TTC23L: variants seen among roughly 807,000 people sequenced by gnomAD.
The protein encoded by TTC23L is tetratricopeptide repeat domain 23 like.
A neutral mutation model predicts 48.1 loss-of-function variants in TTC23L; 42 were observed. That is an observed-to-expected ratio of 0.87 (90% CI 0.68 to 1.13). The LOEUF (loss-of-function observed/expected upper bound fraction) is 1.13. TTC23L is among the 50% of genes most tolerant of loss of function. The pLI is 0.00. For missense variants in TTC23L, 391 were observed against 421.0 expected, an observed-to-expected ratio of 0.93 and a Z score of 0.62; for synonymous variants, 159 against 157.2, an observed-to-expected ratio of 1.01 and a Z score of -0.09.
chr5:34,925,569 T>C, the TTC23L span: 1 of 1,262,792 alleles, frequency 7.9e-7, no homozygotes. Flanking sequence ...ACTTTTATTA[T>C]CTAATACTAT....
At chr5:34,845,412 C>T in intron 2 of TTC23L, 75 bp from the exon 3 acceptor site, 1 of 1,462,128 alleles carries the variant, frequency 6.8e-7, no homozygotes, top group Non-Finnish European at 9.3e-7. Context: ...GTTGGGAGAG[C>T]TATGCCCTTC....
chr5:34,909,239 C>G, the TTC23L span: 1 of 1,534,484 alleles, frequency 6.5e-7, no homozygotes, highest in Admixed American at 1.7e-5. Flanking sequence ...CAATGACAAC[C>G]TCTATATTAA....
rs148933690 is a variant in TTC23L, at chr5:34,868,920, G to A, written c.856G>A (p.Val286Ile). The change falls in exon 8 of 11, where the codon GTT becomes ATT. Residue 286 changes from valine to isoleucine, a missense_variant. Val to Ile is a conservative substitution (Grantham distance 29). Transcript: ENST00000505624. ...TTTATTCCAGGCTCATTCTGTCTGT[G>A]TTTCTTTGTTCACTGAAGTCAGCCC... 5.7e-4 allele frequency: 919 copies of A among 1,608,494 alleles called. 7 individuals are homozygous for A. The South Asian group carries it at 7.7e-3, about 13-fold the overall frequency.
At chr5:34,878,820 G>C (rs1762032546) in intron 8 of TTC23L, among the ~76,000 whole-genome samples, 1 of 152,138 alleles carries the variant, frequency 6.6e-6, no homozygotes, top group African/African-American at 2.4e-5. Context: ...ATGACCATTT[G>C]ATCCAGGAAT....
chr5:34,872,241 C>T (rs140928659), intron 8 of TTC23L, among the ~76,000 whole-genome samples: 78 of 152,202 alleles, frequency 5.1e-4, no homozygotes, highest in Non-Finnish European at 1.0e-3. Context: ...GAGCTATAAG[C>T]GTGCCACTGC....
intron 1 of TTC23L, 55 bp from the exon 2 acceptor site, chr5:34,840,610 T>G: frequency 6.7e-7 from 1 of 1,482,714 alleles, no homozygotes; most frequent in Non-Finnish European, 9.4e-7. Context: ...AGGGGGAAAA[T>G]AGAACAGACA....
At chr5:34,846,545 C>A (rs1759154376) in intron 3 of TTC23L, among the ~76,000 whole-genome samples, 1 of 109,128 alleles carries the variant, frequency 9.2e-6, no homozygotes, top group Admixed American at 1.2e-4. Context: ...GGGCCGACAA[C>A]AGCTAGACTC....
rs113045676 is a variant in TTC23L at position 34,871,325 on chromosome 5, C to T, written c.949+2312C>T. On this transcript the variant is annotated intron_variant, in intron 8 of 10. Coordinates refer to ENST00000505624, the Ensembl canonical transcript of TTC23L. Reference sequence around the variant, plus strand: ...AAAAATCACAATAGCCCCATCCCTGCAAATGAAATATTTAGGTATAAATCT... The same window carrying T: ...AAAAATCACAATAGCCCCATCCCTGTAAATGAAATATTTAGGTATAAATCT... Among the ~76,000 whole-genome samples, 5 of 114,168 alleles carry T rather than the reference C, an allele frequency of 4.4e-5. No homozygotes were observed. The South Asian group carries it at 1.3e-3, about 29-fold the overall frequency. The allele number at this position is 114,168 out of a possible 152,430, so 74.9% of individuals were successfully genotyped here.
the TTC23L span, among the ~76,000 whole-genome samples, chr5:34,923,539 A>G: frequency 6.6e-6 from 1 of 152,096 alleles, no homozygotes; most frequent in Non-Finnish European, 1.5e-5. Flanking sequence ...TGGCCTCCCA[A>G]AGTGCTGGGA....
chr5:34,905,249 A>G, the TTC23L span: 3 of 152,152 alleles, frequency 2.0e-5, no homozygotes, highest in African/African-American at 7.2e-5. Context: ...AAAAAATACT[A>G]TACACTCCGA....
intron 8 of TTC23L, 193 bp downstream of exon 8, chr5:34,869,206 A>C (rs1391310234): frequency 7.9e-6 from 4 of 508,426 alleles, no homozygotes; most frequent in African/African-American, 7.7e-5. Context: ...TTGGAATGTC[A>C]GTAACAAATA....
chr5:34,863,206 T>C lies in TTC23L; in HGVS notation c.536+152T>C, dbSNP rs1760808778. 1 of 900,700 alleles carries C rather than the reference T, an allele frequency of 1.1e-6. No homozygotes were observed. Among genetic ancestry groups the C allele is most frequent in the Non-Finnish European group, 1.7e-6 (1 of 594,714 alleles). 55.8% of individuals were successfully genotyped at this position (900,700 alleles called of 1,614,324 possible). A position where few individuals can be genotyped will look rare whatever the true frequency, so the allele number is the denominator to read the frequency against. ...CCTCCATGAGCCTCTCCTCTCCATC[T>C]AGAAGGGTGTGTATTCTCTTCCTAT... On this transcript the variant is annotated intron_variant, in intron 5 of 10. Coordinates refer to ENST00000505624, the Ensembl canonical transcript of TTC23L. This position sits in a 1 kb window ranked among gnomAD's most constrained non-coding sequence, Gnocchi z 4.1.
intron 4 of TTC23L, among the ~76,000 whole-genome samples, chr5:34,861,893 G>A (rs1446525017): frequency 6.6e-6 from 1 of 152,160 alleles, no homozygotes; most frequent in Non-Finnish European, 1.5e-5. Context: ...GTCTACCTCT[G>A]TTGACTGGAC....
At chr5:34,901,714 A>T (rs896659203), downstream of TTC23L, among the ~76,000 whole-genome samples, 1 of 152,168 alleles carries the variant, frequency 6.6e-6, no homozygotes, top group African/African-American at 2.4e-5. Context: ...GTGAGCTGAG[A>T]TCATGCAATT....
At chr5:34,911,648 G>C in the TTC23L span, 2 of 1,614,022 alleles carry the variant, frequency 1.2e-6, no homozygotes, top group African/African-American at 2.7e-5. Context: ...TCTGACTGCA[G>C]AATAATTTTA....
intron 4 of TTC23L, among the ~76,000 whole-genome samples, chr5:34,853,212 T>C (rs897523747): frequency 1.2e-4 from 18 of 152,064 alleles, no homozygotes; most frequent in Admixed American, 8.5e-4. Context: ...GTTGAGGCCA[T>C]AGGAGTGGAT....
At chr5:34,862,107 C>T (rs1021362332) in intron 4 of TTC23L, among the ~76,000 whole-genome samples, 2 of 152,098 alleles carry the variant, frequency 1.3e-5, no homozygotes, top group Non-Finnish European at 2.9e-5. Flanking sequence ...TATGGAAAGT[C>T]AGCCCTGGAC....
intron 8 of TTC23L, among the ~76,000 whole-genome samples, chr5:34,876,828 G>T (rs1333424681): frequency 6.6e-6 from 1 of 151,922 alleles, no homozygotes; most frequent in African/African-American, 2.4e-5. Context: ...TCACACATCA[G>T]GGCCTGTCGG....
At chr5:34,913,469 C>T in the TTC23L span, 3 of 1,526,564 alleles carry the variant, frequency 2.0e-6, no homozygotes, top group East Asian at 6.8e-5. Flanking sequence ...TCATAGTTTA[C>T]CTGGCATAGG....
Sources: allele counts gnomAD v4.1 joint callset (sites outside exome capture counted in the v4.1 genomes callset), GRCh38; gene constraint gnomAD v4.1.1; non-coding constraint Gnocchi (gnomAD v3.1); transcripts MANE v1.5; gene names NCBI Gene and HGNC (gene_info 2026-07-23, HGNC 2026-07-21).